N4BP2L2: variants seen among roughly 807,000 people sequenced by gnomAD.
N4BP2L2 encodes NEDD4-binding protein 2-like 2.
A neutral mutation model predicts 56.2 loss-of-function variants in N4BP2L2; 50 were observed. That is an observed-to-expected ratio of 0.89 (90% CI 0.71 to 1.13). The LOEUF is 1.13. Among genes scored for constraint, N4BP2L2 ranks in the 50% most tolerant of loss-of-function variants. The pLI, the probability that N4BP2L2 is intolerant of heterozygous loss-of-function variation, is 0.00. For missense variants in N4BP2L2, 689 were observed against 693.8 expected, an observed-to-expected ratio of 0.99 and a Z score of 0.08; for synonymous variants, 203 against 223.6, an observed-to-expected ratio of 0.91 and a Z score of 0.82.
At chr13:32,466,781 G>C (rs1418666178) in intron 6 of N4BP2L2, among the ~76,000 whole-genome samples, 3 of 152,188 alleles carry the variant, frequency 2.0e-5, no homozygotes, top group African/African-American at 7.2e-5. Flanking sequence ...AACCTGGGTA[G>C]TGGTAACATA....
At chr13:32,456,531 G>A (rs1308807507) in intron 6 of N4BP2L2, among the ~76,000 whole-genome samples, 1 of 152,116 alleles carries the variant, frequency 6.6e-6, no homozygotes, top group Non-Finnish European at 1.5e-5. Flanking sequence ...GATTCCAGTG[G>A]AAAATAATTT....
At chr13:32,458,404 A>G (rs1407424729) in intron 6 of N4BP2L2, among the ~76,000 whole-genome samples, 1 of 152,162 alleles carries the variant, frequency 6.6e-6, no homozygotes, top group South Asian at 2.1e-4. Context: ...TGCTGCCTAC[A>G]AGAAACTCAT....
At chr13:32,445,285 T>C (rs1037689493) in intron 6 of N4BP2L2, among the ~76,000 whole-genome samples, 1 of 150,740 alleles carries the variant, frequency 6.6e-6, no homozygotes, top group East Asian at 2.0e-4. Flanking sequence ...AATAAAAACA[T>C]ATCTGAACTT....
At chr13:32,508,173 CAATTT>C (rs2091248485), downstream of N4BP2L2, 1 of 152,012 alleles carries the variant, frequency 6.6e-6, no homozygotes, top group South Asian at 2.1e-4. Flanking sequence ...AGACCTTAAT[CAATTT>C]AGAGGAATGA....
chr13:32,501,801 C>T (rs1002560847), intron 6 of N4BP2L2, among the ~76,000 whole-genome samples: 8 of 150,444 alleles, frequency 5.3e-5, no homozygotes, highest in East Asian at 2.0e-4. Flanking sequence ...GGAGACACAG[C>T]GAGACTCCAT....
At chr13:32,503,697 T>C (rs2090433644) in intron 6 of N4BP2L2, among the ~76,000 whole-genome samples, 1 of 152,246 alleles carries the variant, frequency 6.6e-6, no homozygotes, top group Non-Finnish European at 1.5e-5. Flanking sequence ...TCACTTCAAA[T>C]AGTCAAATTA....
intron 7 of N4BP2L2, among the ~76,000 whole-genome samples, chr13:32,439,518 G>A (rs1340924932): frequency 1.3e-5 from 2 of 152,038 alleles, no homozygotes; most frequent in Admixed American, 6.6e-5. Flanking sequence ...CTGAGGAGCC[G>A]ATTAAATCTA....
chr13:32,537,195 C>T (rs761324364), intron 1 of N4BP2L2, among the ~76,000 whole-genome samples, 168 bp from the exon 2 acceptor site: 3 of 151,880 alleles, frequency 2.0e-5, no homozygotes, highest in Non-Finnish European at 4.4e-5. Context: ...TATTTAAGTA[C>T]AGTCACAACA....
intron 3 of N4BP2L2, chr13:32,523,336 G>T (rs547236865): frequency 6.7e-6 from 1 of 149,386 alleles, no homozygotes; most frequent in Non-Finnish European, 1.5e-5. Context: ...AGGTTGCTGT[G>T]AGCCAAGATG....
chr13:32,527,167 T>C, intron 3 of N4BP2L2: 1 of 418,404 alleles, frequency 2.4e-6, no homozygotes, highest in South Asian at 3.4e-5. Flanking sequence ...CTTATACTGA[T>C]AAACTATTTA....
chr13:32,527,508 A>T, exon 3 of N4BP2L2: 1 of 1,613,332 alleles, frequency 6.2e-7, no homozygotes, highest in Non-Finnish European at 8.5e-7. Context: ...ACACAATGCC[A>T]TCACGATTCT....
At chr13:32,443,551 T>G (rs1426865652) in exon 7 of N4BP2L2, 1 of 1,610,710 alleles carries the variant, frequency 6.2e-7, no homozygotes, top group Non-Finnish European at 8.5e-7. Flanking sequence ...TGAGAGATTT[T>G]TATCTACTAT....
At chr13:32,442,691 G>A (rs2076556027) in exon 7 of N4BP2L2, 2 of 1,613,740 alleles carry the variant, frequency 1.2e-6, no homozygotes, top group Non-Finnish European at 1.7e-6. Context: ...GTCAAAAACA[G>A]TTTCTTGTTT....
intron 6 of N4BP2L2, among the ~76,000 whole-genome samples, chr13:32,496,648 T>C (rs372725748): frequency 1.1e-4 from 16 of 152,334 alleles, no homozygotes; most frequent in African/African-American, 3.8e-4. Flanking sequence ...AAGCCATTCC[T>C]AATGCCATGC....
intron 6 of N4BP2L2, among the ~76,000 whole-genome samples, chr13:32,454,224 A>G (rs1409477636): frequency 6.6e-6 from 1 of 152,202 alleles, no homozygotes; most frequent in Non-Finnish European, 1.5e-5. Flanking sequence ...CCCAACACAT[A>G]CACAAAGATG....
At chr13:32,496,235 C>T (rs1021343998) in intron 6 of N4BP2L2, among the ~76,000 whole-genome samples, 8 of 151,132 alleles carry the variant, frequency 5.3e-5, no homozygotes, top group African/African-American at 1.5e-4. Context: ...TCTGACATAT[C>T]TGATGACTTA....
chr13:32,465,868 G>T (rs551154088), intron 6 of N4BP2L2, among the ~76,000 whole-genome samples: 44 of 152,230 alleles, frequency 2.9e-4, no homozygotes, highest in African/African-American at 1.0e-3. Flanking sequence ...TGGTCAGGCT[G>T]GTCTCGAACT....
chr13:32,475,359 G>A (rs1040630652), intron 6 of N4BP2L2, among the ~76,000 whole-genome samples: 2 of 152,182 alleles, frequency 1.3e-5, no homozygotes, highest in African/African-American at 4.8e-5. Context: ...AAAGAAGAGA[G>A]AGAGAAAGCT....
chr13:32,497,805 C>T (rs2089092048), intron 6 of N4BP2L2, among the ~76,000 whole-genome samples: 1 of 152,202 alleles, frequency 6.6e-6, no homozygotes, highest in Non-Finnish European at 1.5e-5. Context: ...TCGGTGGCCT[C>T]CCAGTTGATA....
Sources: allele counts gnomAD v4.1 joint callset (sites outside exome capture counted in the v4.1 genomes callset), GRCh38; gene constraint gnomAD v4.1.1; transcripts MANE v1.5; gene names NCBI Gene and HGNC (gene_info 2026-07-23, HGNC 2026-07-21).